Variants in CDH18 observed in about 807,000 individuals in gnomAD.
The protein encoded by CDH18 is cadherin 18, also known as cadherin-18.
A neutral mutation model predicts 67.9 loss-of-function variants in CDH18; 31 were observed. That is an observed-to-expected ratio of 0.46 (90% confidence interval 0.34 to 0.62). The LOEUF is 0.62. CDH18 is among the 20% of genes least tolerant of loss of function. The probability of loss-of-function intolerance (pLI) is 0.01; values close to 1 mark genes in which losing one functional copy is unlikely to be tolerated. For missense variants in CDH18, 890 were observed against 975.5 expected (o/e 0.91, Z 1.17); for synonymous variants, 362 against 347.2 (o/e 1.04, Z -0.48).
chr5:20,483,653 C>CA (rs61319784), intron 1 of CDH18, among the ~76,000 whole-genome samples: 15,094 of 128,700 alleles, frequency 0.12, 2,048 homozygotes, highest in African/African-American at 0.34. Context: ...AGAAAGTTGC[C>CA]AAAAAAAAAA....
At chr5:20,551,507 A>G (rs1757630787) in intron 1 of CDH18, among the ~76,000 whole-genome samples, 1 of 152,170 alleles carries the variant, frequency 6.6e-6, no homozygotes, top group Admixed American at 6.5e-5. Context: ...TGTTAATAGA[A>G]ACAGAGAAAG....
At chr5:19,849,846 C>T (rs1458047578) in intron 2 of CDH18, among the ~76,000 whole-genome samples, 3 of 150,868 alleles carry the variant, frequency 2.0e-5, no homozygotes, top group Non-Finnish European at 4.4e-5. Context: ...ATATACTCCA[C>T]TAGATGCTTA....
At chr5:19,759,140 A>G (rs142267409) in intron 3 of CDH18, among the ~76,000 whole-genome samples, 2 of 152,348 alleles carry the variant, frequency 1.3e-5, no homozygotes, top group African/African-American at 4.8e-5. Flanking sequence ...TTGCTCAAGC[A>G]ATGAAACCAC....
At chr5:20,183,135 G>T (rs1307829573) in intron 2 of CDH18, among the ~76,000 whole-genome samples, 2 of 108,560 alleles carry the variant, frequency 1.8e-5, no homozygotes, top group African/African-American at 7.4e-5. Context: ...TATTAAAACA[G>T]TTGCTATATG....
chr5:19,712,641 A>T (rs985923272), intron 5 of CDH18, among the ~76,000 whole-genome samples: 2 of 91,518 alleles, frequency 2.2e-5, no homozygotes, highest in Non-Finnish European at 5.6e-5. Flanking sequence ...CTTAAAATTT[A>T]TATATATATA....
intron 1 of CDH18, among the ~76,000 whole-genome samples, chr5:20,285,439 A>T (rs924137375): frequency 6.8e-6 from 1 of 147,172 alleles, no homozygotes; most frequent in Admixed American, 6.8e-5. Context: ...ATAATATAAT[A>T]TAATAATAAG....
chr5:19,859,019 T>C (rs1435533748), intron 2 of CDH18, among the ~76,000 whole-genome samples: 1 of 152,172 alleles, frequency 6.6e-6, no homozygotes, highest in African/African-American at 2.4e-5. Flanking sequence ...GTGGCTTGTA[T>C]TTAATGTGTA....
chr5:20,236,606 C>A (rs1353513912), intron 2 of CDH18, among the ~76,000 whole-genome samples: 1 of 151,878 alleles, frequency 6.6e-6, no homozygotes, highest in African/African-American at 2.4e-5. Context: ...TAAACAAATT[C>A]TATGAAAGAC....
At chr5:20,413,815 A>T (rs1240948934) in intron 1 of CDH18, among the ~76,000 whole-genome samples, 3 of 152,098 alleles carry the variant, frequency 2.0e-5, no homozygotes, top group Non-Finnish European at 4.4e-5. Flanking sequence ...TCTTTAGTTT[A>T]ATTAGATTCC....
intron 1 of CDH18, among the ~76,000 whole-genome samples, chr5:20,420,406 A>T (rs1382315656): frequency 6.6e-6 from 1 of 151,218 alleles, no homozygotes; most frequent in Non-Finnish European, 1.5e-5. Flanking sequence ...CAAGTGGAAA[A>T]ATCGATGTAT....
chr5:20,362,921 T>A (rs1317945664), intron 1 of CDH18, among the ~76,000 whole-genome samples: 1 of 152,166 alleles, frequency 6.6e-6, no homozygotes, highest in Non-Finnish European at 1.5e-5. Context: ...GAGCTTAGCA[T>A]ACTATTGAAA....
intron 8 of CDH18, among the ~76,000 whole-genome samples, chr5:19,569,785 C>T (rs1394961168): frequency 6.6e-6 from 1 of 152,076 alleles, no homozygotes; most frequent in Non-Finnish European, 1.5e-5. Flanking sequence ...TGAATGTTCT[C>T]AGTGTAAAGA....
chr5:20,453,520 A>G (rs978612712), intron 1 of CDH18, among the ~76,000 whole-genome samples: 1 of 151,948 alleles, frequency 6.6e-6, no homozygotes, highest in African/African-American at 2.4e-5. Context: ...CCTATCAATC[A>G]ATCAACCTGT....
intron 1 of CDH18, among the ~76,000 whole-genome samples, chr5:20,558,778 T>A (rs1758050170): frequency 6.6e-6 from 1 of 151,958 alleles, no homozygotes; most frequent in Admixed American, 6.6e-5. Flanking sequence ...AATCATGCAA[T>A]TCAGAAGAAA....
In CDH18 at chr5:19,520,701, T is replaced by C. The variant is rs961212186; in HGVS notation, c.1468A>G (p.Arg490Gly). ...TCACATACAATAATATCATATTCCCTGGCAAGTTCGGGTGGATTGTCATTG... is the reference window on the plus strand; with the variant it reads ...TCACATACAATAATATCATATTCCCCGGCAAGTTCGGGTGGATTGTCATTG... Reference protein sequence around the residue: ...DVNDNPPELAREYDIIVCENS... With the variant: ...DVNDNPPELAGEYDIIVCENS... Residue 490 changes from arginine to glycine, a missense_variant, in exon 10 of 13, where the codon AGG (arginine) becomes GGG (glycine). Physicochemically the swap from Arg to Gly is moderately radical, Grantham distance 125. This residue lies in a region of CDH18 where 656 missense variants were observed against 668.1 expected (regional missense o/e 0.98). Transcript: ENST00000382275. The C allele has an allele frequency of 6.2e-7, 1 of 1,613,490 alleles. No individual in the cohort carries two copies. Among genetic ancestry groups the C allele is most frequent in the Non-Finnish European group, 8.5e-7 (1 of 1,179,626 alleles).
chr5:20,018,621 T>C (rs1355938599), intron 2 of CDH18, among the ~76,000 whole-genome samples: 3 of 152,178 alleles, frequency 2.0e-5, no homozygotes, highest in Non-Finnish European at 4.4e-5. Context: ...TTTTATAGAA[T>C]TGGCTTCCCA....
chr5:20,414,703 C>T (rs1747131598), intron 1 of CDH18, among the ~76,000 whole-genome samples: 1 of 152,160 alleles, frequency 6.6e-6, no homozygotes, highest in South Asian at 2.1e-4. Flanking sequence ...AAATGGCCAA[C>T]AGGTATGTGA....
chr5:19,893,566 C>T (rs1172841122), intron 2 of CDH18, among the ~76,000 whole-genome samples: 1 of 152,060 alleles, frequency 6.6e-6, no homozygotes, highest in East Asian at 1.9e-4. Flanking sequence ...CATATACATA[C>T]ATTCATTTTC....
intron 2 of CDH18, among the ~76,000 whole-genome samples, chr5:20,192,694 T>G (rs1377793154): frequency 6.6e-6 from 1 of 152,132 alleles, no homozygotes; most frequent in African/African-American, 2.4e-5. Context: ...GTCTTTCTTC[T>G]GCTCCATTGG....
Sources: gnomAD v4.1 joint callset for allele counts (sites outside exome capture counted in the v4.1 genomes callset) on GRCh38, gnomAD v4.1.1 for gene constraint, gnomAD v4.1.1 regional missense constraint, MANE v1.5 for transcripts, NCBI Gene and HGNC (gene_info 2026-07-23, HGNC 2026-07-21) for gene names.